The following OPRD1 variants were observed in gnomAD, a reference collection of about 807,000 sequenced individuals.
OPRD1 encodes the protein opioid receptor delta 1.
A neutral mutation model predicts 17.5 loss-of-function variants in OPRD1; 19 were observed. The ratio of observed to expected loss-of-function variants is 1.09; its 90% confidence interval spans 0.76 to 1.60. The LOEUF is 1.60. Ranked by LOEUF, OPRD1 falls within the 40% of genes most tolerant of loss-of-function variation. The pLI is 0.00. For synonymous variants in OPRD1, 256 were observed against 240.9 expected, an observed-to-expected ratio of 1.06 and a Z score of -0.58; for missense variants, 483 against 547.2, an observed-to-expected ratio of 0.88 and a Z score of 1.17.
At chr1:28,843,447 C>T (rs1208046380) in intron 1 of OPRD1, among the ~76,000 whole-genome samples, 1 of 152,144 alleles carries the variant, frequency 6.6e-6, no homozygotes, top group Admixed American at 6.6e-5. Flanking sequence ...CCATCCTCCC[C>T]TTGCCCTAGC....
At chr1:28,816,185 C>A (rs917965053) in intron 1 of OPRD1, among the ~76,000 whole-genome samples, 1 of 152,204 alleles carries the variant, frequency 6.6e-6, no homozygotes, top group Non-Finnish European at 1.5e-5. Flanking sequence ...GTGCTCCAGA[C>A]CTTCCGGAGC....
chr1:28,820,850 T>C (rs1381599975), intron 1 of OPRD1, among the ~76,000 whole-genome samples: 2 of 150,328 alleles, frequency 1.3e-5, no homozygotes, highest in Non-Finnish European at 3.0e-5. Context: ...TCTGCCCGCC[T>C]CTGGCCTCCC....
At chr1:28,851,017 T>C (rs1053985620) in intron 1 of OPRD1, among the ~76,000 whole-genome samples, 2 of 151,558 alleles carry the variant, frequency 1.3e-5, no homozygotes, top group African/African-American at 2.4e-5. Context: ...CTGAAGGACA[T>C]GAATCTTCAC....
intron 1 of OPRD1, among the ~76,000 whole-genome samples, chr1:28,821,690 G>T (rs2088713109): frequency 6.6e-6 from 1 of 152,112 alleles, no homozygotes; most frequent in Non-Finnish European, 1.5e-5. Context: ...TACATTGCAT[G>T]AATGTGTTCT....
chr1:28,839,606 C>T (rs536345749), intron 1 of OPRD1, among the ~76,000 whole-genome samples: 74 of 152,176 alleles, frequency 4.9e-4, no homozygotes, highest in Non-Finnish European at 7.6e-4. Context: ...TGGGTGTAGA[C>T]GTTCTCACCT....
chr1:28,839,479 T>G (rs140093690), intron 1 of OPRD1, among the ~76,000 whole-genome samples: 203 of 152,274 alleles, frequency 1.3e-3, no homozygotes, highest in African/African-American at 4.5e-3. Flanking sequence ...GGAATAAAAT[T>G]AATTCTAAAT....
At chr1:28,816,292 A>C (rs1386495983) in intron 1 of OPRD1, among the ~76,000 whole-genome samples, 2 of 151,698 alleles carry the variant, frequency 1.3e-5, no homozygotes, top group African/African-American at 4.8e-5. Context: ...TATGTGGGGG[A>C]TTTGGGAGCC....
At chr1:28,857,295 G>C (rs1227597774) in intron 1 of OPRD1, among the ~76,000 whole-genome samples, 1 of 152,088 alleles carries the variant, frequency 6.6e-6, no homozygotes, top group Non-Finnish European at 1.5e-5. Flanking sequence ...TACAGTTATG[G>C]ATGCAGAGCC....
chr1:28,830,826 C>T (rs1316430716), intron 1 of OPRD1, among the ~76,000 whole-genome samples: 3 of 152,214 alleles, frequency 2.0e-5, no homozygotes, highest in African/African-American at 7.2e-5. Flanking sequence ...GTGTTTTAGG[C>T]AGAGGGAACA....
At chr1:28,849,135 G>C (rs902161389) in intron 1 of OPRD1, among the ~76,000 whole-genome samples, 1 of 152,152 alleles carries the variant, frequency 6.6e-6, no homozygotes, top group Admixed American at 6.5e-5. Flanking sequence ...AGGCACGGTG[G>C]CTCATGCCTG....
At chr1:28,818,259 C>T (rs1410167653) in intron 1 of OPRD1, among the ~76,000 whole-genome samples, 3 of 152,202 alleles carry the variant, frequency 2.0e-5, no homozygotes, top group Non-Finnish European at 4.4e-5. Flanking sequence ...AAAGCATTTG[C>T]TGATGCTGAC....
intron 1 of OPRD1, among the ~76,000 whole-genome samples, chr1:28,850,807 T>A (rs1175916005): frequency 7.4e-6 from 1 of 135,032 alleles, no homozygotes; most frequent in Non-Finnish European, 1.5e-5. Context: ...ATAATAATAA[T>A]AATAATAATA....
intron 1 of OPRD1, among the ~76,000 whole-genome samples, chr1:28,848,113 T>A (rs1167093811): frequency 6.6e-6 from 1 of 151,910 alleles, no homozygotes; most frequent in African/African-American, 2.4e-5. Flanking sequence ...CCGGGCGGGA[T>A]GGCGGGTACC....
intron 1 of OPRD1, among the ~76,000 whole-genome samples, chr1:28,829,609 T>G (rs1236320213): frequency 6.6e-6 from 1 of 152,128 alleles, no homozygotes; most frequent in Non-Finnish European, 1.5e-5. Flanking sequence ...CCTCAGGTGA[T>G]CCACCCACCT....
chr1:28,844,830 C>T lies in OPRD1; in HGVS notation c.228-14124C>T, dbSNP rs2088925628. Reference sequence around the variant, plus strand: ...CACAATCTCGGCTCACTGCAACCTCCACCTCCCAGGTTCAAGCGATTCTTG... The same window carrying T: ...CACAATCTCGGCTCACTGCAACCTCTACCTCCCAGGTTCAAGCGATTCTTG... On this transcript the variant is annotated intron_variant, in intron 1 of 2. Coordinates refer to ENST00000234961, the MANE Select transcript of OPRD1 (RefSeq NM_000911.4). Among the ~76,000 whole-genome samples the T allele has an allele frequency of 2.0e-5, 3 of 152,082 alleles. No homozygotes were observed. In the South Asian group the frequency reaches 6.2e-4, roughly 32 times the overall value.
chr1:28,857,746 C>A (rs927664493), intron 1 of OPRD1, among the ~76,000 whole-genome samples: 4 of 152,168 alleles, frequency 2.6e-5, no homozygotes, highest in Non-Finnish European at 4.4e-5. Flanking sequence ...CCTTGGCCCC[C>A]CAAAGTGCTG....
At chr1:28,814,454 T>C (rs2088656921) in intron 1 of OPRD1, among the ~76,000 whole-genome samples, 1 of 152,122 alleles carries the variant, frequency 6.6e-6, no homozygotes, top group Non-Finnish European at 1.5e-5. Context: ...AGAAGGGAGC[T>C]TGAGGGAGGT....
chr1:28,862,500 A>G (rs1423615613), intron 2 of OPRD1, among the ~76,000 whole-genome samples: 1 of 152,222 alleles, frequency 6.6e-6, no homozygotes, highest in East Asian at 1.9e-4. Flanking sequence ...AAAAGGGGCC[A>G]GGAGAGAACA....
chr1:28,838,359 A>C (rs1420797870), intron 1 of OPRD1, among the ~76,000 whole-genome samples: 1 of 152,204 alleles, frequency 6.6e-6, no homozygotes, highest in Non-Finnish European at 1.5e-5. Context: ...CAGCTTGAAG[A>C]AGCAGAAGGA....
Sources: gnomAD v4.1 joint callset for allele counts (sites outside exome capture counted in the v4.1 genomes callset) on GRCh38, gnomAD v4.1.1 for gene constraint, MANE v1.5 for transcripts, NCBI Gene and HGNC (gene_info 2026-07-23, HGNC 2026-07-21) for gene names.